KCNAB2: variants seen among roughly 807,000 people sequenced by gnomAD.
KCNAB2 encodes voltage-gated potassium channel subunit beta-2.
In KCNAB2, 29 loss-of-function variants were observed where a neutral mutation model predicts 63.6. The ratio of observed to expected loss-of-function variants is 0.46; its 90% CI spans 0.34 to 0.62. The LOEUF (loss-of-function observed/expected upper bound fraction) is 0.62, where lower values mean the gene tolerates loss of function less well. Among genes scored for constraint, KCNAB2 ranks in the 20% least tolerant of loss-of-function variants. The pLI is 0.01. For synonymous variants in KCNAB2, 222 were observed against 224.2 expected, an observed-to-expected ratio of 0.99 and a Z score of 0.09; for missense variants, 359 against 563.9, an observed-to-expected ratio of 0.64 and a Z score of 3.68.
intron 1 of KCNAB2, among the ~76,000 whole-genome samples, chr1:6,013,947 G>A (rs1658339074): frequency 6.6e-6 from 1 of 152,180 alleles, no homozygotes; most frequent in Admixed American, 6.5e-5. Flanking sequence ...GTGCTTTAGA[G>A]GGTGGACTCC....
intron 2 of KCNAB2, among the ~76,000 whole-genome samples, chr1:6,066,846 G>A (rs1662796083): frequency 1.3e-5 from 2 of 152,232 alleles, no homozygotes; most frequent in Admixed American, 6.5e-5. Context: ...GCAGGCACAG[G>A]CAGCCAGGCC....
Position 6,082,221 on chromosome 1 carries a change from C to G in KCNAB2, c.327C>G (p.Ala109=). 2 of 1,614,008 alleles carry G rather than the reference C, an allele frequency of 1.2e-6. No homozygotes were observed. Among genetic ancestry groups the G allele is most frequent in the Non-Finnish European group, 1.7e-6 (2 of 1,179,872 alleles). The change falls in exon 5 of 16, where the codon GCC becomes GCG. Residue 109 remains alanine, a synonymous_variant. Transcript: ENST00000378083. ...TGGCAGAGCAGCTCATGACCTTGGCCTATGATAATGGCATCAACCTCTTCG... is the reference window on the plus strand; with the variant it reads ...TGGCAGAGCAGCTCATGACCTTGGCGTATGATAATGGCATCAACCTCTTCG... The part of the protein sequence containing the change: ...DEMAEQLMTL[A]YDNGINLFDT...
intron 2 of KCNAB2, among the ~76,000 whole-genome samples, chr1:6,063,107 G>A (rs1178095422): frequency 2.0e-5 from 3 of 151,152 alleles, no homozygotes; most frequent in African/African-American, 7.3e-5. Flanking sequence ...GCTTACTGCA[G>A]CCTCCAGGTG....
intron 1 of KCNAB2, among the ~76,000 whole-genome samples, chr1:5,998,468 G>A (rs750343227): frequency 6.6e-6 from 1 of 152,208 alleles, no homozygotes; most frequent in African/African-American, 2.4e-5. Context: ...GTTCACAGGA[G>A]AGGTGGGACC....
chr1:6,051,474 C>T, intron 1 of KCNAB2, 37 bp from the exon 2 acceptor site: 1 of 1,437,952 alleles, frequency 7.0e-7, no homozygotes, highest in African/African-American at 1.4e-5. Flanking sequence ...GCACGTGGGG[C>T]ATTGGCACAC....
At chr1:6,055,373 T>G (rs1189299882) in intron 2 of KCNAB2, among the ~76,000 whole-genome samples, 2 of 120,238 alleles carry the variant, frequency 1.7e-5, no homozygotes, top group African/African-American at 6.0e-5. Flanking sequence ...TTTTTTTTTT[T>G]GAGTTGGAGT....
rs1207468523 is a variant in KCNAB2 at position 6,074,508 on chromosome 1, ATT to A, written c.300+740_300+741del. 6.6e-6 allele frequency among the ~76,000 whole-genome samples: 1 copy of A among 152,222 alleles called. No individual in the cohort carries two copies. The highest frequency in any genetic ancestry group is 1.5e-5 in the Non-Finnish European group (1 of 68,046). On this transcript the variant is annotated intron_variant, in intron 4 of 15. Coordinates refer to ENST00000378083, the MANE Select transcript of KCNAB2 (RefSeq NM_001199862.2). The surrounding 1 kb of genome is among the most constrained non-coding windows in gnomAD (Gnocchi z 4.9). ...CATCTGCACAAGAAGCAGTTTTCAC[ATT>A]TATCCTACTTAGCACTAGAAAGGTT...
In KCNAB2 at chr1:6,003,841, C is replaced by T. The variant is rs887923595; in HGVS notation, c.-53+11053C>T. On this transcript the variant is annotated intron_variant, in intron 1 of 16. Coordinates refer to the KCNAB2 transcript ENST00000341524. This position sits in a 1 kb window ranked among gnomAD's most constrained non-coding sequence, Gnocchi z 4.1. The stretch of plus-strand genomic sequence containing the variant: ...ATGTGATTGCAGAGGCATGGCTGGC[C>T]CCAGCTTGCAGCGGTCGCTTCTGCA... Among the ~76,000 whole-genome samples the T allele has an allele frequency of 2.9e-4, 44 of 152,326 alleles. No individual in the cohort carries two copies. Among genetic ancestry groups the T allele is most frequent in the African/African-American group, 9.6e-4 (40 of 41,578 alleles).
At chr1:6,044,801 A>C (rs1660781083), upstream of KCNAB2, among the ~76,000 whole-genome samples, 1 of 152,186 alleles carries the variant, frequency 6.6e-6, no homozygotes, top group African/African-American at 2.4e-5. Flanking sequence ...CAGGAACTGC[A>C]CAGAGAGAGA....
Position 6,075,834 on chromosome 1 carries a change from C to T in KCNAB2, c.300+2064C>T, listed in dbSNP as rs558457523. On this transcript the variant is annotated intron_variant, in intron 4 of 15. Coordinates refer to ENST00000378083, the MANE Select transcript of KCNAB2 (RefSeq NM_001199862.2). ...TGCCACCCTTACCAATATCTGTTTC[C>T]AAAATATTTCATCACCCCAAACAGG... 2.0e-5 allele frequency among the ~76,000 whole-genome samples: 3 copies of T among 152,306 alleles called. No homozygotes were observed. The South Asian group carries it at 6.2e-4, about 32-fold the overall frequency.
chr1:6,004,864 G>C (rs1338413286), intron 1 of KCNAB2, among the ~76,000 whole-genome samples: 1 of 151,752 alleles, frequency 6.6e-6, no homozygotes, highest in Non-Finnish European at 1.5e-5. Flanking sequence ...TCCAGAGTCT[G>C]GCTGCTTCTT....
intron 1 of KCNAB2, among the ~76,000 whole-genome samples, chr1:6,025,667 C>A (rs72861046): frequency 0.011 from 1,696 of 152,342 alleles, 39 homozygotes; most frequent in African/African-American, 0.038. Flanking sequence ...CTGCCCTGGG[C>A]TTCTCAGCAG....
chr1:6,064,644 C>T (rs544399818), intron 2 of KCNAB2, among the ~76,000 whole-genome samples: 4 of 152,252 alleles, frequency 2.6e-5, no homozygotes, highest in South Asian at 4.2e-4. Flanking sequence ...CATGAGCTCC[C>T]GGGAGGCCAG....
intron 1 of KCNAB2, among the ~76,000 whole-genome samples, chr1:5,995,221 G>A (rs941570773): frequency 4.6e-5 from 7 of 152,152 alleles, no homozygotes; most frequent in African/African-American, 9.7e-5. Context: ...CCATGTTCCC[G>A]CCAGTCCCCC....
intron 11 of KCNAB2, 130 bp from the exon 12 acceptor site, chr1:6,095,192 TG>T: frequency 1.1e-6 from 1 of 945,840 alleles, no homozygotes; most frequent in Non-Finnish European, 1.6e-6. Context: ...GTGTGAGCAG[TG>T]GGGAGCCCGG....
chr1:6,073,004 A>G lies in KCNAB2; in HGVS notation c.262+206A>G, dbSNP rs1331748303. Among the ~76,000 whole-genome samples the G allele has an allele frequency of 1.3e-5, 2 of 152,048 alleles. No individual in the cohort carries two copies. The highest frequency in any genetic ancestry group is 2.1e-4 in the South Asian group (1 of 4,828). On this transcript the variant is annotated intron_variant, in intron 3 of 15. Coordinates refer to ENST00000378083, the MANE Select transcript of KCNAB2 (RefSeq NM_001199862.2). The surrounding 1 kb of genome is among the most constrained non-coding windows in gnomAD (Gnocchi z 5.7). ...GTGGGAGGGGGGCTGGGATAGAGGGAGAGAGACACAGTCTCAGCAGAGGAG... is the reference window on the plus strand; with the variant it reads ...GTGGGAGGGGGGCTGGGATAGAGGGGGAGAGACACAGTCTCAGCAGAGGAG...
chr1:6,044,232 T>A (rs1660737804), upstream of KCNAB2, among the ~76,000 whole-genome samples: 3 of 151,368 alleles, frequency 2.0e-5, no homozygotes, highest in South Asian at 6.3e-4. Flanking sequence ...CAGAGAGGGG[T>A]GAAGGATTGG....
chr1:6,062,105 G>A (rs1343560900), intron 2 of KCNAB2, among the ~76,000 whole-genome samples: 5 of 152,076 alleles, frequency 3.3e-5, no homozygotes, highest in Admixed American at 3.3e-4. Context: ...CTGAGGTCGG[G>A]AGTTCAAGAC....
At position 6,078,513 on chromosome 1, in the gene KCNAB2, G is replaced by C. The variant is rs537170583; in HGVS notation, c.301-3682G>C. Among the ~76,000 whole-genome samples, 5 of 152,288 alleles carry C rather than the reference G, an allele frequency of 3.3e-5. No homozygotes were observed. The South Asian group carries it at 1.0e-3, about 32-fold the overall frequency. On this transcript the variant is annotated intron_variant, in intron 4 of 15. Transcript: ENST00000378083. This position sits in a 1 kb window ranked among gnomAD's most constrained non-coding sequence, Gnocchi z 4.2. ...AGCAAGGACGCCACGTGGTGGTCCAGAGAAAGAGCCTTCGGGGGCCAAGGG... is the reference window on the plus strand; with the variant it reads ...AGCAAGGACGCCACGTGGTGGTCCACAGAAAGAGCCTTCGGGGGCCAAGGG...
Sources: gnomAD v4.1 joint callset for allele counts (sites outside exome capture counted in the v4.1 genomes callset) on GRCh38, gnomAD v4.1.1 for gene constraint, Gnocchi (gnomAD v3.1) non-coding constraint, MANE v1.5 for transcripts, NCBI Gene and HGNC (gene_info 2026-07-23, HGNC 2026-07-21) for gene names.